Variants in WDR59 observed in about 807,000 individuals in gnomAD.
WDR59 encodes GATOR2 complex protein WDR59.
In WDR59, 100 loss-of-function variants were observed where a neutral mutation model predicts 131.2. The ratio of observed to expected loss-of-function variants is 0.76; its 90% CI spans 0.65 to 0.90. The LOEUF is 0.90. WDR59 is among the 40% of genes least tolerant of loss of function. The pLI, the probability that WDR59 is intolerant of heterozygous loss-of-function variation, is 0.00. For synonymous variants in WDR59, 601 were observed against 466.2 expected, an observed-to-expected ratio of 1.29 and a Z score of -3.72; for missense variants, 1,203 against 1,262.2, an observed-to-expected ratio of 0.95 and a Z score of 0.71.
Position 74,948,553 on chromosome 16 carries a change from G to A in WDR59, c.411C>T (p.Asp137=), listed in dbSNP as rs770343982. 4.3e-6 allele frequency: 7 copies of A among 1,613,036 alleles called. No individual in the cohort carries two copies. Among genetic ancestry groups the A allele is most frequent in the Non-Finnish European group, 4.2e-6 (5 of 1,179,028 alleles). The change falls in exon 6 of 26, where the codon GAC becomes GAT. Residue 137 remains aspartate, a synonymous_variant. Transcript: ENST00000262144. ...DTYIYIWDIK[D]TRKPTVALSA... is the part of the protein sequence containing the mutation. The stretch of plus-strand genomic sequence containing the variant: ...ACAGTGCAACAGTAGGTTTCCTTGT[G>A]TCTCTGAAATATAAAAATAAAAAAT...
intron 25 of WDR59, among the ~76,000 whole-genome samples, chr16:74,885,346 G>A (rs1359441327): frequency 4.1e-5 from 6 of 146,964 alleles, no homozygotes; most frequent in Admixed American, 1.4e-4. Context: ...AGCTACTCGG[G>A]AGGCTTAGGG....
chr16:74,922,094 T>C lies in WDR59; in HGVS notation c.739A>G (p.Asn247Asp). 6.2e-7 allele frequency: 1 copy of C among 1,614,108 alleles called. No individual in the cohort carries two copies. Among genetic ancestry groups the C allele is most frequent in the Non-Finnish European group, 8.5e-7 (1 of 1,180,002 alleles). The change falls in exon 10 of 26, where the codon AAT becomes GAT. Residue 247 changes from asparagine to aspartate, a missense_variant. Coordinates refer to ENST00000262144, the MANE Select transcript of WDR59 (RefSeq NM_030581.4). ...VWKARYTPFSNGLVTVMVPQL... is the reference protein window; with the variant it reads ...VWKARYTPFSDGLVTVMVPQL... ...GGAACCATCACAGTCACCAATCCATTGCTGAAAGGCTAAGGCAGGGAAGGG... is the reference window on the plus strand; with the variant it reads ...GGAACCATCACAGTCACCAATCCATCGCTGAAAGGCTAAGGCAGGGAAGGG...
intron 3 of WDR59, among the ~76,000 whole-genome samples, chr16:74,954,357 G>A (rs577999611): frequency 1.3e-5 from 2 of 152,102 alleles, no homozygotes; most frequent in African/African-American, 2.4e-5. Flanking sequence ...GTGGTGAGCC[G>A]AGATCATGCC....
intron 6 of WDR59, among the ~76,000 whole-genome samples, chr16:74,946,647 C>A (rs2032658336): frequency 6.6e-6 from 1 of 152,064 alleles, no homozygotes; most frequent in Non-Finnish European, 1.5e-5. Flanking sequence ...GCTTGAACAA[C>A]AGGAGGTGGA....
At chr16:74,903,673 G>A (rs558542557) in intron 18 of WDR59, among the ~76,000 whole-genome samples, 6 of 151,546 alleles carry the variant, frequency 4.0e-5, no homozygotes, top group South Asian at 2.1e-4. Flanking sequence ...ATCAACTCAG[G>A]GAGTGGAGAT....
Position 74,942,730 on chromosome 16 carries a change from T to C in WDR59, c.534+8A>G. 6.2e-7 allele frequency: 1 copy of C among 1,613,378 alleles called. No individual in the cohort carries two copies. The highest frequency in any genetic ancestry group is 8.5e-7 in the Non-Finnish European group (1 of 1,179,472). ...AGACCAATAAGGGCGAAAAAAGAGA[T>C]TACTCACCCTCTTATCCCATATCCG... On this transcript the variant is annotated splice_region_variant and intron_variant, in intron 7 of 25. Coordinates refer to ENST00000262144, the MANE Select transcript of WDR59 (RefSeq NM_030581.4).
At chr16:74,973,523 G>A (rs2034070406) in intron 1 of WDR59, among the ~76,000 whole-genome samples, 1 of 150,894 alleles carries the variant, frequency 6.6e-6, no homozygotes, top group Admixed American at 6.6e-5. Flanking sequence ...CTGGGCTCAA[G>A]TGATGCACCG....
intron 1 of WDR59, among the ~76,000 whole-genome samples, chr16:74,977,017 A>C (rs1246849732): frequency 6.6e-6 from 1 of 152,134 alleles, no homozygotes; most frequent in Non-Finnish European, 1.5e-5. Context: ...AAAAACAACA[A>C]GACTGAAAAA....
chr16:74,882,314 AAT>A (rs1423484785), intron 25 of WDR59, among the ~76,000 whole-genome samples: 1 of 152,212 alleles, frequency 6.6e-6, no homozygotes, highest in African/African-American at 2.4e-5. Flanking sequence ...GCTCTGAAAA[AAT>A]ATGTTGCCCA....
At chr16:74,941,042 C>G (rs888128339) in intron 7 of WDR59, among the ~76,000 whole-genome samples, 3 of 151,540 alleles carry the variant, frequency 2.0e-5, no homozygotes, top group Non-Finnish European at 4.4e-5. Context: ...TAAAACCAAT[C>G]ACTAGTTAGG....
chr16:74,917,808 C>CA (rs34773155), intron 11 of WDR59, 121 bp downstream of exon 11: 22,804 of 426,178 alleles, frequency 0.054, 274 homozygotes, highest in Middle Eastern at 0.065. Context: ...GACGCACTCT[C>CA]AAAAAAAAAA....
intron 1 of WDR59, among the ~76,000 whole-genome samples, chr16:74,967,211 ACCGGAGG>A (rs1216533321): frequency 2.0e-5 from 3 of 152,178 alleles, no homozygotes; most frequent in Non-Finnish European, 4.4e-5. Flanking sequence ...GAGTACTCTC[ACCGGAGG>A]CTGCAAAGTG....
intron 11 of WDR59, among the ~76,000 whole-genome samples, chr16:74,916,755 A>T (rs890980463): frequency 2.6e-5 from 4 of 151,026 alleles, no homozygotes; most frequent in African/African-American, 9.7e-5. Flanking sequence ...GCTACTCGGG[A>T]GGCTGAGGCA....
intron 3 of WDR59, 63 bp downstream of exon 3, chr16:74,956,412 A>G: frequency 6.3e-7 from 1 of 1,583,250 alleles, no homozygotes; most frequent in African/African-American, 1.3e-5. Context: ...CACAGGGCAT[A>G]GATCTGCCAG....
Position 74,985,041 on chromosome 16 carries a change from C to T in WDR59, c.-24G>A, listed in dbSNP as rs775441171. ...ATCTCCCCCGCCCGGCCGCCGCGGCCCCAGGACGGCGCCCTCCCACCCCGC... is the reference window on the plus strand; with the variant it reads ...ATCTCCCCCGCCCGGCCGCCGCGGCTCCAGGACGGCGCCCTCCCACCCCGC... On this transcript the variant is annotated 5_prime_UTR_variant, in exon 1 of 26. Transcript: ENST00000262144. 1 of 1,557,192 alleles carries T rather than the reference C, an allele frequency of 6.4e-7. No individual in the cohort carries two copies. Among genetic ancestry groups the T allele is most frequent in the Non-Finnish European group, 8.7e-7 (1 of 1,149,902 alleles).
At chr16:74,960,014 T>A (rs902774145) in intron 2 of WDR59, among the ~76,000 whole-genome samples, 6 of 152,122 alleles carry the variant, frequency 3.9e-5, no homozygotes, top group East Asian at 3.9e-4. Flanking sequence ...ATTTTTTTTT[T>A]AAATCTGAAA....
intron 11 of WDR59, 36 bp downstream of exon 11, chr16:74,917,893 C>T: frequency 3.8e-6 from 6 of 1,569,182 alleles, no homozygotes; most frequent in South Asian, 1.1e-5. Context: ...TTGGTGGATT[C>T]AGGTACATTT....
chr16:74,878,437 T>C (rs1964322353), intron 25 of WDR59, among the ~76,000 whole-genome samples: 1 of 152,236 alleles, frequency 6.6e-6, no homozygotes, highest in South Asian at 2.1e-4. Context: ...GTGGATCACC[T>C]GAGGCCAGGC....
chr16:74,938,235 G>A lies in WDR59; in HGVS notation c.566C>T (p.Ala189Val). 11 of 1,564,568 alleles carry A rather than the reference G, an allele frequency of 7.0e-6. No homozygotes were observed. The highest frequency in any genetic ancestry group is 9.5e-6 in the Non-Finnish European group (11 of 1,155,058). Residue 189 changes from alanine (A) to valine (V), a missense_variant, in exon 8 of 26, where the codon GCC becomes GTC. Physicochemically the swap from Ala to Val is moderately conservative, Grantham distance 64. Coordinates refer to ENST00000262144, the MANE Select transcript of WDR59 (RefSeq NM_030581.4). ...KPSTAVEYLA[A>V]HLSKIHGLDW... ...CAGGCCATGGATTTTGGAGAGGTGG[G>A]CGGCTAGATATTCCACTGCTGTACT...
Sources: gnomAD v4.1 joint callset for allele counts (sites outside exome capture counted in the v4.1 genomes callset) on GRCh38, gnomAD v4.1.1 for gene constraint, MANE v1.5 for transcripts, NCBI Gene and HGNC (gene_info 2026-07-23, HGNC 2026-07-21) for gene names.